NEGR1: variants seen among roughly 807,000 people sequenced by gnomAD.
The protein encoded by NEGR1 is IgLON family member 4.
Under a neutral mutation model 40.9 loss-of-function variants are expected in NEGR1, and 10 were observed. The observed-to-expected ratio is 0.24, with a 90% confidence interval of 0.15 to 0.42. The LOEUF (loss-of-function observed/expected upper bound fraction) is 0.42. Among genes scored for constraint, NEGR1 ranks in the 10% least tolerant of loss-of-function variants. The pLI is 1.00. For missense variants in NEGR1, 352 were observed against 438.9 expected (o/e 0.80, Z 1.77); for synonymous variants, 185 against 166.8 (o/e 1.11, Z -0.84).
intron 1 of NEGR1, among the ~76,000 whole-genome samples, chr1:72,190,745 T>C (rs1316938826): frequency 6.6e-6 from 1 of 151,562 alleles, no homozygotes; most frequent in Admixed American, 6.6e-5. Flanking sequence ...CTAATGATTA[T>C]GTATAAGAAA....
chr1:71,451,624 G>T (rs1477862082), intron 6 of NEGR1, among the ~76,000 whole-genome samples: 1 of 151,902 alleles, frequency 6.6e-6, no homozygotes, highest in African/African-American at 2.4e-5. Context: ...GCATGTAGGT[G>T]GTATCACTAC....
intron 1 of NEGR1, among the ~76,000 whole-genome samples, chr1:72,248,038 G>T (rs1324394386): frequency 6.6e-6 from 1 of 152,024 alleles, no homozygotes; most frequent in African/African-American, 2.4e-5. Flanking sequence ...AGACTTAAAT[G>T]ACTAGCTTTT....
intron 1 of NEGR1, among the ~76,000 whole-genome samples, chr1:72,046,047 T>C (rs988508884): frequency 2.0e-5 from 3 of 151,440 alleles, no homozygotes; most frequent in Non-Finnish European, 4.4e-5. Context: ...AACAGGGCAA[T>C]AGAGAGAGAA....
rs148874421 is a variant in NEGR1, at chr1:72,072,703, G to A, written c.177-137392C>T. Reference sequence around the variant, plus strand: ...GTAACACAAAGGCTGAGAGTCTTCTGGCTAGCAAAGGCATCGATCTGAGCT... The same window carrying A: ...GTAACACAAAGGCTGAGAGTCTTCTAGCTAGCAAAGGCATCGATCTGAGCT... On this transcript the variant is annotated intron_variant, in intron 1 of 6. Transcript: ENST00000357731. Among the ~76,000 whole-genome samples the A allele has an allele frequency of 8.6e-3, 1,301 of 151,982 alleles. 18 individuals are homozygous for A. Among genetic ancestry groups the A allele is most frequent in the African/African-American group, 0.03 (1,256 of 41,454 alleles).
chr1:72,162,481 CAAAA>C (rs1281707633), intron 1 of NEGR1, among the ~76,000 whole-genome samples: 1 of 151,728 alleles, frequency 6.6e-6, no homozygotes, highest in Admixed American at 6.6e-5. Context: ...AACAAACAAA[CAAAA>C]GAAAAACAAA....
At chr1:71,684,508 G>C (rs182017173) in intron 4 of NEGR1, among the ~76,000 whole-genome samples, 1 of 152,224 alleles carries the variant, frequency 6.6e-6, no homozygotes, top group Non-Finnish European at 1.5e-5. Flanking sequence ...GTGCGTGTGT[G>C]TGTGTGCGTG....
intron 4 of NEGR1, among the ~76,000 whole-genome samples, chr1:71,629,128 T>C (rs1420632516): frequency 1.3e-5 from 2 of 152,234 alleles, no homozygotes; most frequent in Admixed American, 1.3e-4. Context: ...TGGTATCTCA[T>C]TGTGGTTTTG....
At chr1:72,274,795 C>A in intron 1 of NEGR1, 4 of 1,444,112 alleles carry the variant, frequency 2.8e-6, no homozygotes, top group African/African-American at 1.4e-5. Context: ...TGTAAAAGAT[C>A]GGGTAGAAAA....
At chr1:72,081,138 G>A (rs1253196315) in intron 1 of NEGR1, among the ~76,000 whole-genome samples, 5 of 152,112 alleles carry the variant, frequency 3.3e-5, no homozygotes, top group African/African-American at 1.2e-4. Context: ...ACAGAGGCAG[G>A]ACTTGGGCTC....
At chr1:71,919,525 T>G in intron 2 of NEGR1, among the ~76,000 whole-genome samples, 1 of 151,426 alleles carries the variant, frequency 6.6e-6, no homozygotes, top group East Asian at 1.9e-4. Flanking sequence ...CATCAGGAAC[T>G]TTGAGAACAG....
At chr1:72,047,934 G>C (rs1251446779) in intron 1 of NEGR1, among the ~76,000 whole-genome samples, 5 of 151,516 alleles carry the variant, frequency 3.3e-5, no homozygotes, top group Non-Finnish European at 5.9e-5. Context: ...CACTTGCACA[G>C]AAAGAAAGTA....
chr1:72,259,746 A>G (rs1001597628), intron 1 of NEGR1, among the ~76,000 whole-genome samples: 5 of 152,086 alleles, frequency 3.3e-5, no homozygotes, highest in African/African-American at 1.2e-4. Context: ...TCCTTACAAG[A>G]GTATGAACAT....
chr1:71,725,492 A>C (rs1169052039), intron 3 of NEGR1, among the ~76,000 whole-genome samples: 1 of 152,064 alleles, frequency 6.6e-6, no homozygotes, highest in African/African-American at 2.4e-5. Context: ...TTTCCACTTA[A>C]TTTTTAGTGT....
At chr1:72,270,949 T>C (rs781220586) in intron 1 of NEGR1, among the ~76,000 whole-genome samples, 9 of 151,900 alleles carry the variant, frequency 5.9e-5, no homozygotes, top group Admixed American at 1.3e-4. Flanking sequence ...AAATTATTAG[T>C]TAATGTACTT....
chr1:71,703,615 G>C, intron 3 of NEGR1, among the ~76,000 whole-genome samples: 2 of 151,520 alleles, frequency 1.3e-5, no homozygotes, highest in Non-Finnish European at 3.0e-5. Context: ...ATGACACAAC[G>C]TTATTTACAC....
At chr1:71,710,827 T>A (rs1483081706) in intron 3 of NEGR1, among the ~76,000 whole-genome samples, 2 of 152,068 alleles carry the variant, frequency 1.3e-5, no homozygotes, top group Non-Finnish European at 2.9e-5. Context: ...GATAGCACAA[T>A]AGGGCAACTA....
intron 6 of NEGR1, among the ~76,000 whole-genome samples, chr1:71,548,752 C>A (rs907930801): frequency 6.6e-6 from 1 of 151,648 alleles, no homozygotes; most frequent in Non-Finnish European, 1.5e-5. Flanking sequence ...ACTGAGAAGG[C>A]GGCTTTAAGA....
chr1:71,532,988 C>G (rs1195453433), intron 6 of NEGR1, among the ~76,000 whole-genome samples: 3 of 151,546 alleles, frequency 2.0e-5, no homozygotes, highest in African/African-American at 4.8e-5. Context: ...ATGAGACAAT[C>G]AACAGTCATG....
At chr1:71,452,902 A>T (rs1334731839) in intron 6 of NEGR1, among the ~76,000 whole-genome samples, 1 of 152,180 alleles carries the variant, frequency 6.6e-6, no homozygotes, top group Non-Finnish European at 1.5e-5. Context: ...CATATAACAG[A>T]TTTATTTCAG....
Sources: gnomAD v4.1 joint callset for allele counts (sites outside exome capture counted in the v4.1 genomes callset) on GRCh38, gnomAD v4.1.1 for gene constraint, MANE v1.5 for transcripts, NCBI Gene and HGNC (gene_info 2026-07-23, HGNC 2026-07-21) for gene names.